Variants in E2F2 observed in about 807,000 individuals in gnomAD.
E2F2 encodes E2F transcription factor 2, also known as transcription factor E2F2.
A neutral mutation model predicts 42.2 loss-of-function variants in E2F2; 22 were observed. The observed-to-expected ratio is 0.52, with a 90% CI of 0.37 to 0.74. E2F2 has a LOEUF of 0.74. Ranked by LOEUF, E2F2 falls within the 30% of genes least tolerant of loss-of-function variation. The pLI, the probability that E2F2 is intolerant of heterozygous loss-of-function variation, is 0.00. For missense variants in E2F2, 481 were observed against 557.8 expected (o/e 0.86, Z 1.39); for synonymous variants, 248 against 251.6 (o/e 0.99, Z 0.13).
chr1:23,512,296 T>C lies in E2F2; in HGVS notation c.1046-2148A>G, dbSNP rs146710870. 2.5e-4 allele frequency among the ~76,000 whole-genome samples: 38 copies of C among 152,246 alleles called. 1 individual carries two copies. In the East Asian group the frequency reaches 6.2e-3, roughly 25 times the overall value. ...TTGCTCCTGTTAAAAATTGCTCCCATTTACCAAGGCTAATGGGGGAGGTGG... is the reference window on the plus strand; with the variant it reads ...TTGCTCCTGTTAAAAATTGCTCCCACTTACCAAGGCTAATGGGGGAGGTGG... On this transcript the variant is annotated intron_variant, in intron 6 of 6. Transcript: ENST00000361729.
chr1:23,521,747 C>G (rs544849258), intron 3 of E2F2, 90 bp downstream of exon 3: 2 of 1,558,902 alleles, frequency 1.3e-6, no homozygotes, highest in East Asian at 4.6e-5. Flanking sequence ...AGCCCCGCCC[C>G]TGCCACTCAC....
intron 4 of E2F2, among the ~76,000 whole-genome samples, chr1:23,520,498 C>G (rs992290831): frequency 6.6e-6 from 1 of 151,888 alleles, no homozygotes; most frequent in Non-Finnish European, 1.5e-5. Context: ...AATCTCAGCA[C>G]TTTGGGAGAC....
chr1:23,513,887 G>A (rs751888350), intron 6 of E2F2, among the ~76,000 whole-genome samples: 2 of 152,148 alleles, frequency 1.3e-5, no homozygotes, highest in Non-Finnish European at 2.9e-5. Context: ...ACTTTGGGAA[G>A]CTGAGGTGGG....
chr1:23,530,528 G>GC lies in E2F2; in HGVS notation c.252+13dup. 4 of 1,610,306 alleles carry GC rather than the reference G, an allele frequency of 2.5e-6. No homozygotes were observed. The highest frequency in any genetic ancestry group is 3.4e-6 in the Non-Finnish European group (4 of 1,178,544). ...AAAAGCATAGGGGGAAGCGGTGGGG[G>GC]CCCCCAGCATTACCGGCAGCCGGCC... is the stretch of plus-strand genomic sequence containing the variant. On this transcript the variant is annotated intron_variant, in intron 1 of 6. Coordinates refer to ENST00000361729, the MANE Select transcript of E2F2 (RefSeq NM_004091.4). The surrounding 1 kb of genome is among the most constrained non-coding windows in gnomAD (Gnocchi z 4.4).
chr1:23,522,136 T>C lies in E2F2; in HGVS notation c.359-80A>G, dbSNP rs138574667. 31 of 1,316,310 alleles carry C rather than the reference T, an allele frequency of 2.4e-5. No homozygotes were observed. In the East Asian group the frequency reaches 7.1e-4, roughly 30 times the overall value. The allele number at this position is 1,316,310 out of a possible 1,614,324, so 81.5% of individuals were successfully genotyped here. A position where few individuals can be genotyped will look rare whatever the true frequency, so the allele number is the denominator to read the frequency against. On this transcript the variant is annotated intron_variant, in intron 2 of 6. Coordinates refer to ENST00000361729, the MANE Select transcript of E2F2 (RefSeq NM_004091.4). ...CCCTCGTCCATTGACCTAGGCTCAT[T>C]AAGTACCACCTTTCACCACCCACTT...
In E2F2 at chr1:23,513,440, T is replaced by A. The variant is rs377234613; in HGVS notation, c.1045+2895A>T. On this transcript the variant is annotated intron_variant, in intron 6 of 6. Transcript: ENST00000361729. ...GGAAACTGAGGCTGCAGAGAACACT[T>A]CCCCTGGTAATGCAGAACCAGGGCC... Among the ~76,000 whole-genome samples, 11 of 152,162 alleles carry A rather than the reference T, an allele frequency of 7.2e-5. No homozygotes were observed. In the East Asian group the frequency reaches 1.9e-3, roughly 27 times the overall value.
intron 2 of E2F2, among the ~76,000 whole-genome samples, chr1:23,523,658 C>T (rs1224053540): frequency 6.6e-6 from 1 of 152,200 alleles, no homozygotes. Flanking sequence ...AGCCCCTGCT[C>T]TTCTGATTTA....
intron 5 of E2F2, among the ~76,000 whole-genome samples, 175 bp from the exon 6 acceptor site, chr1:23,516,702 G>C (rs1643027020): frequency 6.7e-6 from 1 of 148,920 alleles, no homozygotes; most frequent in South Asian, 2.1e-4. Flanking sequence ...TGTTTCTGCT[G>C]TCTGGCCCTG....
chr1:23,514,920 C>G (rs1642990017), intron 6 of E2F2, among the ~76,000 whole-genome samples: 1 of 145,684 alleles, frequency 6.9e-6, no homozygotes, highest in Admixed American at 6.9e-5. Context: ...CCTTCTTTTT[C>G]TTTCTCCCAC....
In E2F2 at chr1:23,509,864, G is replaced by A; in HGVS notation, c.*16C>T. ...GGTAGAGTCGGGGGCAGGCTGCTGG[G>A]GGCAGGCAGGGCCACTCAATTAATC... On this transcript the variant is annotated 3_prime_UTR_variant, in exon 7 of 7. Coordinates refer to ENST00000361729, the MANE Select transcript of E2F2 (RefSeq NM_004091.4). The A allele has an allele frequency of 6.6e-7, 1 of 1,524,938 alleles. No individual in the cohort carries two copies. The highest frequency in any genetic ancestry group is 8.8e-7 in the Non-Finnish European group (1 of 1,133,088). 94.5% of individuals were successfully genotyped at this position (1,524,938 alleles called of 1,614,324 possible). A position where few individuals can be genotyped will look rare whatever the true frequency, so the allele number is the denominator to read the frequency against.
intron 6 of E2F2, among the ~76,000 whole-genome samples, chr1:23,515,595 A>G (rs764517044): frequency 6.6e-6 from 1 of 152,148 alleles, no homozygotes; most frequent in African/African-American, 2.4e-5. Flanking sequence ...TATGTTGCCC[A>G]GGCTGGTCTT....
At chr1:23,519,570 C>T (rs1643095314) in intron 4 of E2F2, among the ~76,000 whole-genome samples, 1 of 152,186 alleles carries the variant, frequency 6.6e-6, no homozygotes, top group Non-Finnish European at 1.5e-5. Context: ...GCTCTTTGAC[C>T]TCATCATTTC....
chr1:23,525,564 A>G (rs1416855781), intron 1 of E2F2, among the ~76,000 whole-genome samples: 1 of 152,220 alleles, frequency 6.6e-6, no homozygotes, highest in Non-Finnish European at 1.5e-5. Context: ...GGAAGGCACT[A>G]CCTGGGCAGC....
chr1:23,510,319 C>G (rs1047850709), intron 6 of E2F2, among the ~76,000 whole-genome samples, 171 bp from the exon 7 acceptor site: 2 of 152,098 alleles, frequency 1.3e-5, no homozygotes, highest in African/African-American at 4.8e-5. Context: ...AACCCTACAA[C>G]TTTTCATGTA....
At position 23,509,037 on chromosome 1, in the gene E2F2, G is replaced by A; in HGVS notation, c.*843C>T. 1 of 152,302 alleles carries A rather than the reference G, an allele frequency of 6.6e-6. No individual in the cohort carries two copies. The highest frequency in any genetic ancestry group is 1.5e-5 in the Non-Finnish European group (1 of 68,082). 9.4% of individuals were successfully genotyped at this position (152,302 alleles called of 1,614,324 possible). A position where few individuals can be genotyped will look rare whatever the true frequency, so the allele number is the denominator to read the frequency against. ...CTGTTTTCCACGGGAGCTTGTCTCT[G>A]CTGGACCATTTTTACATCTCAAGGG... On this transcript the variant is annotated 3_prime_UTR_variant, in exon 7 of 7. Transcript: ENST00000361729.
intron 6 of E2F2, among the ~76,000 whole-genome samples, chr1:23,514,625 C>T (rs1336633460): frequency 6.7e-6 from 1 of 148,968 alleles, no homozygotes; most frequent in African/African-American, 2.5e-5. Flanking sequence ...GTCAAGGGTT[C>T]AAGACCAGGC....
In E2F2 at chr1:23,530,755, C is replaced by A. The variant is rs201814476; in HGVS notation, c.39G>T (p.Gly13=). ...TCGCGGGCACCACCTTCGGGGTCTGCCCAGCGGCCGAAGCCAAGGCCCGGG... is the reference window on the plus strand; with the variant it reads ...TCGCGGGCACCACCTTCGGGGTCTGACCAGCGGCCGAAGCCAAGGCCCGGG... ...QGPRALASAA[G]QTPKVVPAMS... is the part of the protein sequence containing the mutation. Residue 13 remains glycine (G), a synonymous_variant, in exon 1 of 7, where the codon GGG becomes GGT. Transcript: ENST00000361729. This position sits in a 1 kb window ranked among gnomAD's most constrained non-coding sequence, Gnocchi z 4.4. 7.6e-6 allele frequency: 12 copies of A among 1,576,680 alleles called. No individual in the cohort carries two copies. Among genetic ancestry groups the A allele is most frequent in the Middle Eastern group, 2.0e-4 (1 of 5,088 alleles).
intron 3 of E2F2, chr1:23,521,467 G>A: frequency 6.0e-6 from 5 of 833,818 alleles, no homozygotes; most frequent in Non-Finnish European, 7.2e-6. Context: ...AGGAGTCCGG[G>A]ATCCCCCTAC....
chr1:23,530,838 G>A lies in E2F2; in HGVS notation c.-45C>T. 1 of 1,432,182 alleles carries A rather than the reference G, an allele frequency of 7.0e-7. No homozygotes were observed. The highest frequency in any genetic ancestry group is 9.1e-7 in the Non-Finnish European group (1 of 1,093,062). The allele number at this position is 1,432,182 out of a possible 1,614,324, so 88.7% of individuals were successfully genotyped here. On this transcript the variant is annotated 5_prime_UTR_variant, in exon 1 of 7. Transcript: ENST00000361729. This position sits in a 1 kb window ranked among gnomAD's most constrained non-coding sequence, Gnocchi z 4.4. ...ACCCAAAAGGGCTTGGCGCGCCCGC[G>A]GACACCTGCGGGTTCCGGTGCTGCC...
Sources: gnomAD v4.1 joint callset for allele counts (sites outside exome capture counted in the v4.1 genomes callset) on GRCh38, gnomAD v4.1.1 for gene constraint, Gnocchi (gnomAD v3.1) non-coding constraint, MANE v1.5 for transcripts, NCBI Gene and HGNC (gene_info 2026-07-23, HGNC 2026-07-21) for gene names.